LVRN: variants seen among roughly 807,000 people sequenced by gnomAD.
LVRN encodes aminopeptidase Q.
A neutral mutation model predicts 111.4 loss-of-function variants in LVRN; 99 were observed. The ratio of observed to expected loss-of-function variants is 0.89; its 90% CI spans 0.76 to 1.05. The LOEUF (loss-of-function observed/expected upper bound fraction) is 1.05. Among genes scored for constraint, LVRN ranks in the 50% least tolerant of loss-of-function variants. The pLI is 0.00. For synonymous variants in LVRN, 488 were observed against 449.5 expected (o/e 1.09, Z -1.08); for missense variants, 1,414 against 1,206.8 (o/e 1.17, Z -2.54).
intron 1 of LVRN, among the ~76,000 whole-genome samples, chr5:115,965,299 G>A (rs1029643159): frequency 2.0e-5 from 3 of 152,128 alleles, no homozygotes; most frequent in Non-Finnish European, 2.9e-5. Context: ...CTGGGGAGTG[G>A]GGAGTTATTG....
chr5:116,011,224 T>C (rs1243507364), intron 14 of LVRN, among the ~76,000 whole-genome samples: 4 of 151,548 alleles, frequency 2.6e-5, no homozygotes, highest in African/African-American at 9.7e-5. Context: ...ATAGTATTTA[T>C]TAGCAACTAT....
Position 115,962,855 on chromosome 5 carries a change from G to C in LVRN, c.238G>C (p.Val80Leu), listed in dbSNP as rs1753113209. The change falls in exon 1 of 20, where the codon GTG becomes CTG. Residue 80 changes from valine (V) to leucine (L), a missense_variant. Transcript: ENST00000357872. ...ACCCAGCAGTGCACGCGAGCTAGCG[G>C]TGACGACCACCCCGAGCAACTGGCG... ...PKPSSARELA[V>L]TTTPSNWRPP... 1 of 1,613,044 alleles carries C rather than the reference G, an allele frequency of 6.2e-7. No homozygotes were observed. Among genetic ancestry groups the C allele is most frequent in the African/African-American group, 1.3e-5 (1 of 74,906 alleles).
intron 9 of LVRN, 38 bp downstream of exon 9, chr5:116,000,696 G>A: frequency 3.7e-6 from 6 of 1,600,082 alleles, no homozygotes; most frequent in Non-Finnish European, 5.1e-6. Flanking sequence ...TTGCTGAGTT[G>A]TTTTGTATGA....
chr5:116,010,707 G>A (rs1369616724), intron 13 of LVRN, 34 bp from the exon 14 acceptor site: 1 of 1,568,324 alleles, frequency 6.4e-7, no homozygotes. Flanking sequence ...GCAAGTGAAG[G>A]TTTTTTGAGT....
chr5:115,965,810 T>C lies in LVRN; in HGVS notation c.695+2498T>C, dbSNP rs568735141. ...TTCTTCCCCTTTCTTCCCCTTCATCTCCTGCCATGACTATAAGTTTCCTGA... is the reference window on the plus strand; with the variant it reads ...TTCTTCCCCTTTCTTCCCCTTCATCCCCTGCCATGACTATAAGTTTCCTGA... On this transcript the variant is annotated intron_variant, in intron 1 of 19. Transcript: ENST00000357872. 4.1e-3 allele frequency among the ~76,000 whole-genome samples: 626 copies of C among 152,186 alleles called. 5 individuals are homozygous for C. The highest frequency in any genetic ancestry group is 0.014 in the African/African-American group (579 of 41,518).
At chr5:115,966,642 A>G (rs1753209178) in intron 1 of LVRN, among the ~76,000 whole-genome samples, 3 of 152,166 alleles carry the variant, frequency 2.0e-5, no homozygotes, top group South Asian at 4.1e-4. Context: ...TGAACACAGT[A>G]TTTATTTCAC....
rs1254823892 is a variant in LVRN at position 116,014,486 on chromosome 5, A to C, written c.2409A>C (p.Ser803=). 3 of 1,613,516 alleles carry C rather than the reference A, an allele frequency of 1.9e-6. No individual in the cohort carries two copies. The African/African-American group carries it at 4.0e-5, about 22-fold the overall frequency. The part of the protein sequence containing the change: ...WLGLEDCLQL[S]KELFAKWVDH... ...GCCTTGAAGACTGCCTTCAGCTGTC[A>C]AAAGAACTTTTCGCAAAATGGGTGG... The change falls in exon 16 of 20, where the codon TCA becomes TCC. Residue 803 remains serine (S), a synonymous_variant. Transcript: ENST00000357872.
At chr5:115,968,026 C>G (rs1278600605) in intron 1 of LVRN, among the ~76,000 whole-genome samples, 3 of 152,100 alleles carry the variant, frequency 2.0e-5, no homozygotes, top group African/African-American at 7.2e-5. Context: ...ATCATGTTGT[C>G]AACAAACGGA....
intron 1 of LVRN, among the ~76,000 whole-genome samples, chr5:115,970,574 A>G (rs1270092281): frequency 1.3e-5 from 2 of 151,816 alleles, no homozygotes; most frequent in Non-Finnish European, 2.9e-5. Context: ...TTCAGTAGAG[A>G]TGGGGTTTCA....
chr5:116,024,747 G>A (rs1027839484), intron 19 of LVRN, among the ~76,000 whole-genome samples: 1 of 152,054 alleles, frequency 6.6e-6, no homozygotes, highest in Admixed American at 6.6e-5. Context: ...ACAGCTTTTC[G>A]AAATTGTAAA....
In LVRN at chr5:116,012,350, G is replaced by C. The variant is rs200080504; in HGVS notation, c.2248-24G>C. On this transcript the variant is annotated intron_variant, in intron 14 of 19. Transcript: ENST00000357872. ...CAGTGTTTGCAAGCCAGAACTAACA[G>C]TGTATTTTCTTTATTGTTTATAGAG... 256 of 1,249,974 alleles carry C rather than the reference G, an allele frequency of 2.0e-4. No individual in the cohort carries two copies. The East Asian group carries it at 6.0e-3, about 29-fold the overall frequency. 77.4% of individuals were successfully genotyped at this position (1,249,974 alleles called of 1,614,324 possible).
intron 10 of LVRN, among the ~76,000 whole-genome samples, chr5:116,002,132 ACTC>A (rs1473217087): frequency 2.0e-5 from 3 of 152,090 alleles, no homozygotes; most frequent in Admixed American, 2.0e-4. Flanking sequence ...TCCCTGTACT[ACTC>A]TGTGGTTTTT....
chr5:116,006,090 A>G (rs1748368772), intron 13 of LVRN, 123 bp downstream of exon 13: 2 of 723,476 alleles, frequency 2.8e-6, no homozygotes, highest in African/African-American at 1.8e-5. Context: ...TAAGATTAGG[A>G]TGAAATTCTG....
At chr5:115,964,599 CT>C (rs34449231) in intron 1 of LVRN, among the ~76,000 whole-genome samples, 65,187 of 149,038 alleles carry the variant, frequency 0.44, 14,349 homozygotes, top group South Asian at 0.55. Context: ...ACATATCTGA[CT>C]TTTTTTTTTT....
chr5:115,996,530 T>G (rs1748116707), intron 6 of LVRN, among the ~76,000 whole-genome samples: 1 of 152,218 alleles, frequency 6.6e-6, no homozygotes, highest in Admixed American at 6.5e-5. Flanking sequence ...GATCAAGAAC[T>G]TTAACCTCCT....
At chr5:115,987,547 T>C (rs1747893463) in intron 3 of LVRN, among the ~76,000 whole-genome samples, 1 of 152,198 alleles carries the variant, frequency 6.6e-6, no homozygotes, top group Non-Finnish European at 1.5e-5. Context: ...GTACAACCCA[T>C]TCCAGGGGTT....
At chr5:115,988,030 A>T in intron 4 of LVRN, 91 bp downstream of exon 4, 1 of 1,477,140 alleles carries the variant, frequency 6.8e-7, no homozygotes, top group Non-Finnish European at 9.1e-7. Flanking sequence ...ACCCATAAGG[A>T]TTCACCATCA....
At chr5:116,009,878 A>C (rs78803278) in intron 13 of LVRN, among the ~76,000 whole-genome samples, 2 of 152,244 alleles carry the variant, frequency 1.3e-5, no homozygotes, top group East Asian at 3.9e-4. Context: ...TGAGAATATT[A>C]CGTATACTTA....
Position 115,962,837 on chromosome 5 carries a change from A to G in LVRN, c.220A>G (p.Ser74Gly). Reference sequence around the variant, plus strand: ...GCCGACGCCAACCCCGAAACCCAGCAGTGCACGCGAGCTAGCGGTGACGAC... The same window carrying G: ...GCCGACGCCAACCCCGAAACCCAGCGGTGCACGCGAGCTAGCGGTGACGAC... ...QKPTPTPKPS[S>G]ARELAVTTTP... The change falls in exon 1 of 20, where the codon AGT (serine) becomes GGT (glycine). Residue 74 changes from serine to glycine, a missense_variant. By Grantham distance (56) the Ser-to-Gly change is moderately conservative. Coordinates refer to ENST00000357872, the MANE Select transcript of LVRN (RefSeq NM_173800.5). The G allele has an allele frequency of 1.2e-6, 2 of 1,612,806 alleles. No individual in the cohort carries two copies. Among genetic ancestry groups the G allele is most frequent in the Non-Finnish European group, 1.7e-6 (2 of 1,179,686 alleles).
Sources: gnomAD v4.1 joint callset for allele counts (sites outside exome capture counted in the v4.1 genomes callset) on GRCh38, gnomAD v4.1.1 for gene constraint, MANE v1.5 for transcripts, NCBI Gene and HGNC (gene_info 2026-07-23, HGNC 2026-07-21) for gene names.